Variants in CCDC192 observed in about 807,000 individuals in gnomAD.
CCDC192 encodes coiled-coil domain-containing protein 192.
At chr5:127,735,964 T>C (rs1244333838) in intron 2 of CCDC192, among the ~76,000 whole-genome samples, 10 of 126,104 alleles carry the variant, frequency 7.9e-5, no homozygotes, top group Admixed American at 3.6e-4. Flanking sequence ...TCCAACACTA[T>C]GTTGAATAGG....
intron 6 of CCDC192, among the ~76,000 whole-genome samples, chr5:127,894,191 T>G (rs1752808876): frequency 6.9e-6 from 1 of 144,558 alleles, no homozygotes; most frequent in Non-Finnish European, 1.5e-5. Flanking sequence ...TATCTAATTT[T>G]TTTTTTTTTT....
intron 2 of CCDC192, among the ~76,000 whole-genome samples, chr5:127,717,025 T>C (rs1034249195): frequency 2.0e-5 from 3 of 152,042 alleles, no homozygotes; most frequent in African/African-American, 7.3e-5. Context: ...TAGAAATTAA[T>C]AAGAAATATT....
chr5:127,869,228 G>A (rs1307288286), intron 5 of CCDC192, among the ~76,000 whole-genome samples: 1 of 152,136 alleles, frequency 6.6e-6, no homozygotes, highest in Non-Finnish European at 1.5e-5. Flanking sequence ...GGAGGTTGAG[G>A]CAGGAGAATC....
intron 6 of CCDC192, among the ~76,000 whole-genome samples, chr5:127,918,652 A>G (rs1215265813): frequency 6.6e-6 from 1 of 152,188 alleles, no homozygotes; most frequent in African/African-American, 2.4e-5. Context: ...GTTTTAGTAA[A>G]TCAAACTTTT....
At position 127,754,337 on chromosome 5, in the gene CCDC192, AAAG is replaced by A; in HGVS notation, c.188_190del (p.Glu63del). On this transcript the variant is annotated inframe_deletion, in exon 3 of 7. Coordinates refer to ENST00000514853, the MANE Select transcript of CCDC192 (RefSeq NM_001317938.2). ...ACTTGAGTCCTTGGAGATTTGCCTG[AAAG>A]AAGCAGAAGAAAAGGCTAAAGCTTT... 5.0e-6 allele frequency: 2 copies of A among 398,986 alleles called. No homozygotes were observed. Among genetic ancestry groups the A allele is most frequent in the African/African-American group, 2.1e-5 (1 of 48,734 alleles). 24.7% of individuals were successfully genotyped at this position (398,986 alleles called of 1,614,324 possible).
At chr5:127,812,266 GGTAA>G (rs1758122916) in intron 5 of CCDC192, among the ~76,000 whole-genome samples, 1 of 152,160 alleles carries the variant, frequency 6.6e-6, no homozygotes, top group Admixed American at 6.5e-5. Context: ...TTTGCTCAGT[GGTAA>G]GTTTTAACCA....
chr5:127,922,154 A>G lies in CCDC192; in HGVS notation c.536-19028A>G, dbSNP rs933272648. On this transcript the variant is annotated intron_variant, in intron 6 of 6. Coordinates refer to ENST00000514853, the MANE Select transcript of CCDC192 (RefSeq NM_001317938.2). ...GTCAAAATCAATAAACTGCATGTGA[A>G]ACAACCAGCTTCTTATTCTGCTTAG... Among the ~76,000 whole-genome samples, 16 of 152,328 alleles carry G rather than the reference A, an allele frequency of 1.1e-4. 1 individual carries two copies. The South Asian group carries it at 2.9e-3, about 28-fold the overall frequency.
chr5:127,764,124 C>T (rs1256334597), intron 3 of CCDC192, among the ~76,000 whole-genome samples: 1 of 152,126 alleles, frequency 6.6e-6, no homozygotes, highest in Admixed American at 6.6e-5. Context: ...CTGTCAAAGC[C>T]CATGTTTTTT....
chr5:127,782,458 TG>T (rs1027909805), intron 3 of CCDC192, among the ~76,000 whole-genome samples: 1 of 152,096 alleles, frequency 6.6e-6, no homozygotes, highest in Non-Finnish European at 1.5e-5. Flanking sequence ...CTTTTTTTTT[TG>T]TTGGTAATTT....
chr5:127,777,068 C>T (rs967651449), intron 3 of CCDC192, among the ~76,000 whole-genome samples: 4 of 152,176 alleles, frequency 2.6e-5, no homozygotes, highest in Admixed American at 1.3e-4. Context: ...GGGCCACTGT[C>T]CTCCAGATCC....
At chr5:127,784,901 T>A in intron 3 of CCDC192, 1 of 450,674 alleles carries the variant, frequency 2.2e-6, no homozygotes, top group South Asian at 1.8e-5. Context: ...ATGTTAACCC[T>A]TAATTTCTAA....
At chr5:127,783,958 C>T (rs936842385) in intron 3 of CCDC192, among the ~76,000 whole-genome samples, 1 of 152,174 alleles carries the variant, frequency 6.6e-6, no homozygotes, top group African/African-American at 2.4e-5. Flanking sequence ...GCTACTCCTG[C>T]TCATTTTTGG....
chr5:127,935,148 C>T (rs1029198152), intron 6 of CCDC192: 1 of 152,182 alleles, frequency 6.6e-6, no homozygotes, highest in African/African-American at 2.4e-5. Flanking sequence ...TCCCAAATGC[C>T]CTTTAGGGCC....
Position 127,911,106 on chromosome 5 carries a change from A to G in CCDC192, c.536-30076A>G, listed in dbSNP as rs867321037. ...AATGCCCATCACGGTCAGTCCAATT[A>G]TCAAATCCTGCAATGGAAATCGCTT... On this transcript the variant is annotated intron_variant, in intron 6 of 6. Transcript: ENST00000514853. Among the ~76,000 whole-genome samples the G allele has an allele frequency of 5.3e-5, 8 of 152,380 alleles. 1 individual carries two copies. In the Middle Eastern group the frequency reaches 0.024, roughly 454 times the overall value.
intron 5 of CCDC192, among the ~76,000 whole-genome samples, chr5:127,849,829 T>G (rs1372139875): frequency 6.6e-6 from 1 of 152,224 alleles, no homozygotes; most frequent in Non-Finnish European, 1.5e-5. Context: ...AAAATTTTTT[T>G]GTGAAGAAGA....
At chr5:127,813,151 A>C (rs1201876841) in intron 5 of CCDC192, among the ~76,000 whole-genome samples, 1 of 152,190 alleles carries the variant, frequency 6.6e-6, no homozygotes, top group Non-Finnish European at 1.5e-5. Flanking sequence ...CCTTTCCATG[A>C]GGCCCTTTTG....
At chr5:127,884,952 T>TG in intron 6 of CCDC192, among the ~76,000 whole-genome samples, 1 of 152,160 alleles carries the variant, frequency 6.6e-6, no homozygotes, top group Non-Finnish European at 1.5e-5. Flanking sequence ...AATTTTTGGT[T>TG]GGGGTCCAGT....
chr5:127,889,315 G>T (rs1018499490), intron 6 of CCDC192, among the ~76,000 whole-genome samples: 1 of 151,914 alleles, frequency 6.6e-6, no homozygotes, highest in African/African-American at 2.4e-5. Flanking sequence ...TTAATCTAAG[G>T]CAATAAATAA....
At chr5:127,905,778 C>G in intron 6 of CCDC192, among the ~76,000 whole-genome samples, 1 of 151,984 alleles carries the variant, frequency 6.6e-6, no homozygotes, top group Admixed American at 6.6e-5. Context: ...TTTAATCATC[C>G]AAGGTGAGAA....
Sources: allele counts gnomAD v4.1 joint callset (sites outside exome capture counted in the v4.1 genomes callset), GRCh38; gene constraint gnomAD v4.1.1; transcripts MANE v1.5; gene names NCBI Gene and HGNC (gene_info 2026-07-23, HGNC 2026-07-21).